The following RPE variants were observed in gnomAD, a reference collection of about 807,000 sequenced individuals.
RPE encodes ribulose-phosphate 3-epimerase.
Under a neutral mutation model 24.6 loss-of-function variants are expected in RPE, and 16 were observed. That is an observed-to-expected ratio of 0.65 (90% CI 0.44 to 0.99). RPE has a LOEUF of 0.99. Among genes scored for constraint, RPE ranks in the 50% least tolerant of loss-of-function variants. The pLI is 0.00. For missense variants in RPE, 240 were observed against 294.5 expected, an observed-to-expected ratio of 0.81 and a Z score of 1.35; for synonymous variants, 93 against 98.4, an observed-to-expected ratio of 0.94 and a Z score of 0.33.
Position 210,007,222 on chromosome 2 carries a change from C to T in RPE, c.123-2435C>T, listed in dbSNP as rs555393917. 7.2e-5 allele frequency among the ~76,000 whole-genome samples: 11 copies of T among 152,302 alleles called. No individual in the cohort carries two copies. The East Asian group carries it at 1.9e-3, about 27-fold the overall frequency. On this transcript the variant is annotated intron_variant, in intron 1 of 5. Coordinates refer to ENST00000359429, the MANE Select transcript of RPE (RefSeq NM_199229.3). The stretch of plus-strand genomic sequence containing the variant: ...AGTCTTTAGAACTGTGTGTGGCCCA[C>T]ATATAAGTTTGGTTTTTATTAGCAC...
At chr2:210,017,733 CT>C (rs1270574264) in intron 5 of RPE, 174 bp downstream of exon 5, 54,954 of 291,500 alleles carry the variant, frequency 0.19, 2,083 homozygotes, top group East Asian at 0.32. Flanking sequence ...AGTGGATATG[CT>C]TTTTTTTTTT....
intron 5 of RPE, 174 bp downstream of exon 5, chr2:210,017,733 CTT>C: frequency 3.4e-5 from 10 of 296,428 alleles, no homozygotes; most frequent in African/African-American, 3.1e-4. Flanking sequence ...AGTGGATATG[CTT>C]TTTTTTTTTT....
At chr2:210,006,768 G>T (rs1420185033) in intron 1 of RPE, among the ~76,000 whole-genome samples, 1 of 152,202 alleles carries the variant, frequency 6.6e-6, no homozygotes, top group Non-Finnish European at 1.5e-5. Context: ...CTTATTTCAA[G>T]TTCTAAGTAA....
chr2:210,015,933 G>A, intron 2 of RPE, 40 bp from the exon 3 acceptor site: 2 of 1,603,806 alleles, frequency 1.2e-6, no homozygotes, highest in South Asian at 1.1e-5. Context: ...CATGAGCCAG[G>A]TATTTTTCAG....
rs950435719 is a variant in RPE at position 210,021,899 on chromosome 2, G to A, written c.*2108G>A. 2 of 150,804 alleles carry A rather than the reference G, an allele frequency of 1.3e-5. No individual in the cohort carries two copies. The highest frequency in any genetic ancestry group is 3.0e-5 in the Non-Finnish European group (2 of 67,770). The allele number at this position is 150,804 out of a possible 1,614,324, so 9.3% of individuals were successfully genotyped here. A position where few individuals can be genotyped will look rare whatever the true frequency, so the allele number is the denominator to read the frequency against. On this transcript the variant is annotated 3_prime_UTR_variant, in exon 6 of 6. Transcript: ENST00000359429. Reference sequence around the variant, plus strand: ...ATCTAGGATGCAAGCAAGAATATATGTTTATTTGAATAGAGTAAGCTATGG... The same window carrying A: ...ATCTAGGATGCAAGCAAGAATATATATTTATTTGAATAGAGTAAGCTATGG...
In RPE at chr2:210,009,604, A is replaced by T. The variant is rs1464151350; in HGVS notation, c.123-53A>T. On this transcript the variant is annotated intron_variant, in intron 1 of 5. Coordinates refer to ENST00000359429, the MANE Select transcript of RPE (RefSeq NM_199229.3). ...TGTGTCAGAATTCATATTGAGAGAG[A>T]TACAGAAACTGAATTGAAAACATTT... 3.7e-6 allele frequency: 6 copies of T among 1,607,188 alleles called. No individual in the cohort carries two copies. The East Asian group carries it at 1.3e-4, about 36-fold the overall frequency.
intron 1 of RPE, among the ~76,000 whole-genome samples, chr2:210,005,596 G>A (rs933883483): frequency 6.6e-6 from 1 of 151,940 alleles, no homozygotes; most frequent in Non-Finnish European, 1.5e-5. Context: ...AAACTGGGAC[G>A]ATTTCACATT....
At chr2:210,014,999 G>A (rs944912028) in intron 2 of RPE, among the ~76,000 whole-genome samples, 2 of 152,120 alleles carry the variant, frequency 1.3e-5, no homozygotes, top group East Asian at 3.9e-4. Flanking sequence ...CACCTTATGT[G>A]TTTATATGAA....
chr2:210,019,643 A>G, intron 5 of RPE, 26 bp from the exon 6 acceptor site: 1 of 1,608,012 alleles, frequency 6.2e-7, no homozygotes, highest in Non-Finnish European at 8.5e-7. Context: ...CCTTTGAGGC[A>G]TAACCTAACT....
Position 210,002,799 on chromosome 2 carries a change from T to TAAG in RPE, c.122+16_122+17insAAG, listed in dbSNP as rs2093578259. ...TAATGGACGGGTAACTCCTCCGGGCTCCGGTCGGGCTTGCCGCGCGGCGGG... is the reference window on the plus strand; with the variant it reads ...TAATGGACGGGTAACTCCTCCGGGCTAAGCCGGTCGGGCTTGCCGCGCGGCGGG... On this transcript the variant is annotated intron_variant, in intron 1 of 5. Transcript: ENST00000359429. The TAAG allele has an allele frequency of 6.2e-7, 1 of 1,613,940 alleles. No homozygotes were observed. The highest frequency in any genetic ancestry group is 1.3e-5 in the African/African-American group (1 of 74,908).
chr2:210,012,956 A>G (rs1011210382), intron 2 of RPE, among the ~76,000 whole-genome samples: 1 of 152,232 alleles, frequency 6.6e-6, no homozygotes, highest in Admixed American at 6.5e-5. Context: ...ATACAAGACA[A>G]ACAATGGGTT....
intron 1 of RPE, 48 bp downstream of exon 1, chr2:210,002,831 C>T (rs375678436): frequency 6.2e-7 from 1 of 1,613,816 alleles, no homozygotes; most frequent in African/African-American, 1.3e-5. Context: ...CGGGGCGGAT[C>T]AGTGCACCTT....
intron 1 of RPE, among the ~76,000 whole-genome samples, chr2:210,006,647 A>G (rs1011945689): frequency 6.6e-6 from 1 of 152,098 alleles, no homozygotes; most frequent in Non-Finnish European, 1.5e-5. Context: ...TAAGACAACG[A>G]AACTATTTCC....
intron 4 of RPE, among the ~76,000 whole-genome samples, chr2:210,017,032 A>G (rs78239847): frequency 9.2e-5 from 14 of 152,178 alleles, no homozygotes; most frequent in Non-Finnish European, 1.8e-4. Context: ...TTTAGTAGAG[A>G]GGAGGTCTCA....
At chr2:210,016,444 G>A in intron 3 of RPE, 63 bp from the exon 4 acceptor site, 1 of 1,607,184 alleles carries the variant, frequency 6.2e-7, no homozygotes, top group African/African-American at 1.3e-5. Context: ...GGCCTGCTAT[G>A]CCACAATAAT....
chr2:210,015,279 G>T (rs974931704), intron 2 of RPE, among the ~76,000 whole-genome samples: 6 of 152,090 alleles, frequency 3.9e-5, no homozygotes, highest in East Asian at 1.9e-4. Context: ...TTTTCACCTG[G>T]GTTATTGCTA....
intron 4 of RPE, among the ~76,000 whole-genome samples, chr2:210,016,942 C>G (rs1222873232): frequency 6.6e-6 from 1 of 152,172 alleles, no homozygotes; most frequent in Non-Finnish European, 1.5e-5. Context: ...CTCCTGGACT[C>G]AAGAGATCCT....
intron 5 of RPE, chr2:210,018,523 T>G: frequency 1.0e-6 from 1 of 985,246 alleles, no homozygotes; most frequent in Non-Finnish European, 1.2e-6. Flanking sequence ...ATGTATCTAC[T>G]TCCAGGTTCT....
intron 1 of RPE, among the ~76,000 whole-genome samples, chr2:210,005,790 C>T (rs76000564): frequency 0.011 from 1,636 of 152,238 alleles, 26 homozygotes; most frequent in African/African-American, 0.035. Flanking sequence ...TTTGATGTTA[C>T]CTAACTCTCA....
Sources: gnomAD v4.1 joint callset for allele counts (sites outside exome capture counted in the v4.1 genomes callset) on GRCh38, gnomAD v4.1.1 for gene constraint, MANE v1.5 for transcripts, NCBI Gene and HGNC (gene_info 2026-07-23, HGNC 2026-07-21) for gene names.